The following GNAO1 variants were observed in gnomAD, a reference collection of about 807,000 sequenced individuals.
The protein encoded by GNAO1 is G protein subunit alpha o1, also known as guanine nucleotide-binding protein G(o) subunit alpha.
For synonymous variants in GNAO1, 164 were observed against 180.7 expected (o/e 0.91, Z 0.74); for missense variants, 166 against 478.7 (o/e 0.35, Z 6.10).
intron 3 of GNAO1, 152 bp downstream of exon 3, chr16:56,276,224 C>T: frequency 1.7e-6 from 1 of 591,538 alleles, no homozygotes; most frequent in Non-Finnish European, 2.7e-6. Context: ...CAACCTAAGC[C>T]ATTGCATCCA....
At chr16:56,211,052 T>A (rs1596798631) in intron 2 of GNAO1, among the ~76,000 whole-genome samples, 1 of 152,226 alleles carries the variant, frequency 6.6e-6, no homozygotes, top group Non-Finnish European at 1.5e-5. Flanking sequence ...ACTAGGTTCC[T>A]ATGGCTAGCT....
intron 4 of GNAO1, among the ~76,000 whole-genome samples, chr16:56,333,601 A>G (rs890266190): frequency 1.3e-5 from 2 of 152,192 alleles, no homozygotes. Flanking sequence ...GGGCATTCTC[A>G]CAAGGATTGT....
At chr16:56,216,510 G>A (rs867348001) in intron 2 of GNAO1, among the ~76,000 whole-genome samples, 5 of 152,164 alleles carry the variant, frequency 3.3e-5, no homozygotes, top group Admixed American at 3.3e-4. Flanking sequence ...CCTGCTTCAG[G>A]CCACAGCTCT....
intron 2 of GNAO1, among the ~76,000 whole-genome samples, chr16:56,254,516 G>C (rs1408517265): frequency 1.3e-5 from 2 of 151,968 alleles, no homozygotes; most frequent in African/African-American, 4.8e-5. Context: ...CACTTGCCTA[G>C]TATCTGCTTG....
intron 2 of GNAO1, chr16:56,270,160 C>T (rs925363451): frequency 7.2e-5 from 11 of 152,358 alleles, no homozygotes; most frequent in African/African-American, 2.7e-4. Context: ...TGTCTCTCCC[C>T]ATACCCACGT....
At chr16:56,288,239 G>A (rs1409403970) in intron 3 of GNAO1, among the ~76,000 whole-genome samples, 7 of 152,244 alleles carry the variant, frequency 4.6e-5, no homozygotes, top group African/African-American at 1.7e-4. Flanking sequence ...GCAAGCAGGT[G>A]TACTGCTGCT....
chr16:56,305,919 T>C (rs2037391544), intron 3 of GNAO1, among the ~76,000 whole-genome samples: 1 of 152,198 alleles, frequency 6.6e-6, no homozygotes, highest in South Asian at 2.1e-4. Flanking sequence ...CATCTAATCA[T>C]TTTAACAGAA....
chr16:56,295,080 T>A (rs1391624278), intron 3 of GNAO1, among the ~76,000 whole-genome samples: 1 of 152,218 alleles, frequency 6.6e-6, no homozygotes, highest in Non-Finnish European at 1.5e-5. Context: ...ACAATTAGCA[T>A]TTTTAAATGG....
chr16:56,227,786 T>C (rs2036546166), intron 2 of GNAO1, among the ~76,000 whole-genome samples: 2 of 152,116 alleles, frequency 1.3e-5, no homozygotes. Flanking sequence ...GGTATTATTT[T>C]CCCTGGTATT....
chr16:56,254,273 T>C (rs1282083110), intron 2 of GNAO1, among the ~76,000 whole-genome samples: 2 of 152,186 alleles, frequency 1.3e-5, no homozygotes, highest in Non-Finnish European at 2.9e-5. Context: ...ATTTTTGAAA[T>C]AGACATCTTT....
chr16:56,353,917 G>C (rs1289475704), intron 7 of GNAO1, among the ~76,000 whole-genome samples: 1 of 152,210 alleles, frequency 6.6e-6, no homozygotes, highest in Non-Finnish European at 1.5e-5. Flanking sequence ...GGAATTGGTG[G>C]GGACAGAGGG....
At chr16:56,330,976 G>T (rs552833930) in intron 4 of GNAO1, among the ~76,000 whole-genome samples, 1 of 152,222 alleles carries the variant, frequency 6.6e-6, no homozygotes, top group African/African-American at 2.4e-5. Flanking sequence ...GGCCAGGGCC[G>T]GAAGGGCCTG....
intron 2 of GNAO1, among the ~76,000 whole-genome samples, chr16:56,205,160 C>T (rs781440965): frequency 1.3e-5 from 2 of 152,132 alleles, no homozygotes; most frequent in South Asian, 2.1e-4. Context: ...TGGGGCCCTG[C>T]GATGTAGGAA....
At chr16:56,307,142 G>GT (rs2037404866) in intron 3 of GNAO1, 1 of 152,228 alleles carries the variant, frequency 6.6e-6, no homozygotes, top group Non-Finnish European at 1.5e-5. Flanking sequence ...AACAGGCCTG[G>GT]TTCTTATGCA....
chr16:56,255,299 T>A (rs1251001389), intron 2 of GNAO1, among the ~76,000 whole-genome samples: 2 of 152,232 alleles, frequency 1.3e-5, no homozygotes, highest in African/African-American at 4.8e-5. Context: ...AAAAATGTTC[T>A]GCCACATTTG....
intron 2 of GNAO1, among the ~76,000 whole-genome samples, chr16:56,197,769 T>G (rs1210687351): frequency 6.6e-6 from 1 of 152,210 alleles, no homozygotes; most frequent in African/African-American, 2.4e-5. Flanking sequence ...TTTGTGCTTC[T>G]TCACATGCCA....
rs930636037 is a variant in GNAO1, at chr16:56,354,187, A to G, written c.878-679A>G. ...GGAATCAGCAGGATTGGTTTAGACC[A>G]TGGGGCGGTGCCTCAATTTGCTCAT... On this transcript the variant is annotated intron_variant, in intron 7 of 8. Coordinates refer to ENST00000262493, the MANE Select transcript of GNAO1 (RefSeq NM_020988.3). The surrounding 1 kb of genome is among the most constrained non-coding windows in gnomAD (Gnocchi z 4.3). Among the ~76,000 whole-genome samples, 7 of 152,216 alleles carry G rather than the reference A, an allele frequency of 4.6e-5. No individual in the cohort carries two copies. Among genetic ancestry groups the G allele is most frequent in the African/African-American group, 1.7e-4 (7 of 41,456 alleles).
chr16:56,236,118 T>C (rs2036635050), intron 2 of GNAO1, among the ~76,000 whole-genome samples: 1 of 152,238 alleles, frequency 6.6e-6, no homozygotes, highest in Non-Finnish European at 1.5e-5. Context: ...CCATTATTGC[T>C]TCTGAGATCT....
chr16:56,336,608 C>T (rs2037742420), intron 5 of GNAO1, 123 bp from the exon 6 acceptor site: 2 of 859,310 alleles, frequency 2.3e-6, no homozygotes, highest in African/African-American at 3.4e-5. Flanking sequence ...CTAGTGAGGG[C>T]TTTTAGCAAG....
Sources: allele counts gnomAD v4.1 joint callset (sites outside exome capture counted in the v4.1 genomes callset), GRCh38; gene constraint gnomAD v4.1.1; non-coding constraint Gnocchi (gnomAD v3.1); transcripts MANE v1.5; gene names NCBI Gene and HGNC (gene_info 2026-07-23, HGNC 2026-07-21).